The following SLIT2 variants were observed in gnomAD, a reference collection of about 807,000 sequenced individuals.
SLIT2 encodes the protein slit homolog 2 protein.
Under a neutral mutation model 185.7 loss-of-function variants are expected in SLIT2, and 41 were observed. The observed-to-expected ratio is 0.22, with a 90% confidence interval of 0.17 to 0.29. SLIT2 has a LOEUF of 0.29. SLIT2 is among the 10% of genes least tolerant of loss of function. SLIT2 has a pLI of 1.00. For synonymous variants in SLIT2, 693 were observed against 680.2 expected, an observed-to-expected ratio of 1.02 and a Z score of -0.29; for missense variants, 1,571 against 1,909.0, an observed-to-expected ratio of 0.82 and a Z score of 3.30.
At chr4:20,266,402 G>A (rs1464462646) in intron 3 of SLIT2, among the ~76,000 whole-genome samples, 2 of 151,962 alleles carry the variant, frequency 1.3e-5, no homozygotes, top group Non-Finnish European at 2.9e-5. Context: ...GGAAACTATT[G>A]TCTGGGGCAT....
chr4:20,538,780 T>TAAAAAAAA (rs35129347), intron 18 of SLIT2, among the ~76,000 whole-genome samples: 1 of 121,126 alleles, frequency 8.3e-6, no homozygotes. Context: ...TGACAATGAC[T>TAAAAAAAA]AAAAAAAAAA....
At chr4:20,334,021 G>A (rs944838877) in intron 4 of SLIT2, among the ~76,000 whole-genome samples, 1 of 152,184 alleles carries the variant, frequency 6.6e-6, no homozygotes, top group Admixed American at 6.5e-5. Flanking sequence ...TAAGCTCACT[G>A]TGTTCTCCTT....
At chr4:20,516,047 C>T (rs577038589) in intron 11 of SLIT2, among the ~76,000 whole-genome samples, 2 of 152,192 alleles carry the variant, frequency 1.3e-5, no homozygotes, top group Admixed American at 1.3e-4. Context: ...GAACTCCTGA[C>T]CTGGTGATCC....
intron 11 of SLIT2, among the ~76,000 whole-genome samples, chr4:20,517,475 A>T (rs1405670220): frequency 6.8e-6 from 1 of 146,844 alleles, no homozygotes; most frequent in Non-Finnish European, 1.5e-5. Context: ...ATATATATTT[A>T]TTCATGCCTT....
chr4:20,317,029 G>A (rs1326544334), intron 4 of SLIT2, among the ~76,000 whole-genome samples: 1 of 142,502 alleles, frequency 7.0e-6, no homozygotes, highest in Non-Finnish European at 1.5e-5. Flanking sequence ...TATTTTGACT[G>A]TTTGAAAGAT....
chr4:20,617,274 G>A (rs1729736308), intron 35 of SLIT2, 76 bp downstream of exon 35: 5 of 705,690 alleles, frequency 7.1e-6, no homozygotes, highest in Non-Finnish European at 1.1e-5. Flanking sequence ...AAGGAAAGAA[G>A]AAGGGGAGGG....
chr4:20,433,251 GC>G (rs965101752), intron 4 of SLIT2, among the ~76,000 whole-genome samples: 10 of 152,310 alleles, frequency 6.6e-5, no homozygotes, highest in African/African-American at 2.2e-4. Flanking sequence ...CGGCATTTCT[GC>G]CTAATGAACT....
chr4:20,567,228 C>T lies in SLIT2; in HGVS notation c.2726-34C>T, dbSNP rs371903236. 1.6e-5 allele frequency: 25 copies of T among 1,576,260 alleles called. No homozygotes were observed. In the Middle Eastern group the frequency reaches 5.1e-4, roughly 32 times the overall value. On this transcript the variant is annotated intron_variant, in intron 26 of 36. Transcript: ENST00000504154. ...AGTAATTAAAAGTAAACTGGAAGAG[C>T]GTCAGTTGCTTATATTTTTGAATTA...
rs1295339320 is a variant in SLIT2, at chr4:20,252,645, C to T, written c.-1171C>T. On this transcript the variant is annotated 5_prime_UTR_variant, in exon 1 of 37. Coordinates refer to ENST00000504154, the MANE Select transcript of SLIT2 (RefSeq NM_004787.4). ...CTCTTGTTTCTTCTACCTTTGCCAT[C>T]AGGTGTCTGCCGCGGAGCTGCGGCT... 1.3e-5 allele frequency among the ~76,000 whole-genome samples: 2 copies of T among 152,256 alleles called. No homozygotes were observed. The highest frequency in any genetic ancestry group is 1.5e-5 in the Non-Finnish European group (1 of 68,048).
At chr4:20,495,624 C>T (rs544099796) in intron 9 of SLIT2, among the ~76,000 whole-genome samples, 9 of 152,040 alleles carry the variant, frequency 5.9e-5, no homozygotes, top group Non-Finnish European at 1.3e-4. Flanking sequence ...TAATATGTCC[C>T]GTGGACTTTG....
intron 12 of SLIT2, among the ~76,000 whole-genome samples, chr4:20,521,856 T>C (rs1720871154): frequency 6.6e-6 from 1 of 150,382 alleles, no homozygotes; most frequent in Admixed American, 6.6e-5. Flanking sequence ...GAGATTGTTT[T>C]ATTGTCAAAG....
chr4:20,455,151 A>G (rs752612106), intron 4 of SLIT2, among the ~76,000 whole-genome samples: 6 of 152,160 alleles, frequency 3.9e-5, no homozygotes, highest in Non-Finnish European at 5.9e-5. Context: ...ACCCATTTTG[A>G]AAACAGTTTT....
Position 20,541,370 on chromosome 4 carries a change from G to A in SLIT2, c.1977-83G>A, listed in dbSNP as rs151196937. The A allele has an allele frequency of 9.5e-4, 1,101 of 1,164,388 alleles. 5 individuals are homozygous for A. In the African/African-American group the frequency reaches 0.014, roughly 15 times the overall value. The allele number at this position is 1,164,388 out of a possible 1,614,324, so 72.1% of individuals were successfully genotyped here. A position where few individuals can be genotyped will look rare whatever the true frequency, so the allele number is the denominator to read the frequency against. On this transcript the variant is annotated intron_variant, in intron 19 of 36. Transcript: ENST00000504154. ...AAGGAATCATTCCAGCGGAAATAGC[G>A]TGGAGAAGGGTAGCTGGGGTTTAGA...
intron 4 of SLIT2, among the ~76,000 whole-genome samples, chr4:20,299,864 A>T (rs2109103166): frequency 6.6e-6 from 1 of 152,122 alleles, no homozygotes; most frequent in Non-Finnish European, 1.5e-5. Flanking sequence ...ATAATACAGT[A>T]TTTTATATTA....
Position 20,550,814 on chromosome 4 carries a change from T to C in SLIT2, c.2490-13T>C, listed in dbSNP as rs1181624717. ...AATATAGGAAGTTTAATTTTTCTTT[T>C]TCTTTCTTTTAGTTCTCTACATGGA... On this transcript the variant is annotated splice_polypyrimidine_tract_variant and intron_variant, in intron 24 of 36. Transcript: ENST00000504154. The C allele has an allele frequency of 2.5e-6, 4 of 1,575,440 alleles. No homozygotes were observed. The highest frequency in any genetic ancestry group is 1.7e-5 in the Admixed American group (1 of 59,172).
In SLIT2 at chr4:20,477,040, A is replaced by G. The variant is rs527768306; in HGVS notation, c.468-3676A>G. ...GAGGCATACAGTGGTATCTCTTAAT[A>G]TATGGAGCCCATCGACACACTGCAT... On this transcript the variant is annotated intron_variant, in intron 5 of 36. Transcript: ENST00000504154. Among the ~76,000 whole-genome samples, 8 of 152,146 alleles carry G rather than the reference A, an allele frequency of 5.3e-5. No individual in the cohort carries two copies. In the East Asian group the frequency reaches 1.5e-3, roughly 29 times the overall value.
In SLIT2 at chr4:20,620,528, T is replaced by C; in HGVS notation, c.*1519T>C. 2.6e-6 allele frequency: 1 copy of C among 378,694 alleles called. No homozygotes were observed. The highest frequency in any genetic ancestry group is 5.1e-6 in the Non-Finnish European group (1 of 194,900). 23.5% of individuals were successfully genotyped at this position (378,694 alleles called of 1,614,324 possible). Reference sequence around the variant, plus strand: ...AGATTAATATCGGTTACACTGCTGATGTTTGTAAATTAAACAGATATTTAC... The same window carrying C: ...AGATTAATATCGGTTACACTGCTGACGTTTGTAAATTAAACAGATATTTAC... On this transcript the variant is annotated 3_prime_UTR_variant, in exon 37 of 37. Transcript: ENST00000504154.
In SLIT2 at chr4:20,539,640, A is replaced by C. The variant is rs558151371; in HGVS notation, c.1976+56A>C. The C allele has an allele frequency of 2.6e-6, 3 of 1,167,266 alleles. No individual in the cohort carries two copies. In the East Asian group the frequency reaches 7.9e-5, roughly 31 times the overall value. 72.3% of individuals were successfully genotyped at this position (1,167,266 alleles called of 1,614,324 possible). A position where few individuals can be genotyped will look rare whatever the true frequency, so the allele number is the denominator to read the frequency against. On this transcript the variant is annotated intron_variant, in intron 19 of 36. Transcript: ENST00000504154. ...CTTGAGCCATTTATTATATTTGTTA[A>C]TGTATTTAATATATTATTAAGCATT...
chr4:20,353,298 A>G (rs1722033599), intron 4 of SLIT2, among the ~76,000 whole-genome samples: 1 of 152,228 alleles, frequency 6.6e-6, no homozygotes, highest in Non-Finnish European at 1.5e-5. Context: ...ACTTTAAAGC[A>G]TGATGAAAAT....
Sources: allele counts gnomAD v4.1 joint callset (sites outside exome capture counted in the v4.1 genomes callset), GRCh38; gene constraint gnomAD v4.1.1; transcripts MANE v1.5; gene names NCBI Gene and HGNC (gene_info 2026-07-23, HGNC 2026-07-21).